GREB1: variants seen among roughly 807,000 people sequenced by gnomAD.
The protein encoded by GREB1 is growth regulating estrogen receptor binding 1.
A neutral mutation model predicts 200.7 loss-of-function variants in GREB1; 106 were observed. The observed-to-expected ratio is 0.53, with a 90% CI of 0.45 to 0.62. GREB1 has a LOEUF of 0.62. Among genes scored for constraint, GREB1 ranks in the 20% least tolerant of loss-of-function variants. The pLI is 0.00. For synonymous variants in GREB1, 1,132 were observed against 1,092.4 expected (o/e 1.04, Z -0.72); for missense variants, 2,243 against 2,556.8 (o/e 0.88, Z 2.65).
At chr2:11,539,795 A>ATTTTTTTTTTTTTTTTTT (rs66629142) in intron 1 of GREB1, 1 of 121,280 alleles carries the variant, frequency 8.2e-6, no homozygotes. Flanking sequence ...CTACTGCTGA[A>ATTTTTTTTTTTTTTTTTT]TTTTTTTTTT....
At chr2:11,535,558 C>T (rs1674253835) in intron 1 of GREB1, among the ~76,000 whole-genome samples, 1 of 152,002 alleles carries the variant, frequency 6.6e-6, no homozygotes, top group South Asian at 2.1e-4. Context: ...GTTTCCAGTG[C>T]CTGGCACACA....
Position 11,543,793 on chromosome 2 carries a change from C to T in GREB1, c.-162+9539C>T, listed in dbSNP as rs183552582. ...ACCCCAGAGCGCTGTGTTCTCAGCA[C>T]CTCGTGGGCCTCGGTGTCCATGTTC... On this transcript the variant is annotated intron_variant, in intron 1 of 32. Coordinates refer to ENST00000381486, the MANE Select transcript of GREB1 (RefSeq NM_014668.4). Among the ~76,000 whole-genome samples, 535 of 152,260 alleles carry T rather than the reference C, an allele frequency of 3.5e-3. 8 individuals carry two copies. The highest frequency in any genetic ancestry group is 2.8e-3 in the Non-Finnish European group (193 of 68,026).
In GREB1 at chr2:11,633,181, A is replaced by G. The variant is rs755239065; in HGVS notation, c.4991+118A>G. ...AAGACCGGAGGGCCTCTCATAGTAG[A>G]AGGGGTGGTTGTGGTTGTGGTTCCC... On this transcript the variant is annotated intron_variant, in intron 28 of 32. Transcript: ENST00000381486. This position sits in a 1 kb window ranked among gnomAD's most constrained non-coding sequence, Gnocchi z 4.1. 1.0e-6 allele frequency: 1 copy of G among 981,486 alleles called. No homozygotes were observed. The allele number at this position is 981,486 out of a possible 1,614,324, so 60.8% of individuals were successfully genotyped here.
chr2:11,614,977 G>C, intron 19 of GREB1, 114 bp from the exon 20 acceptor site: 1 of 774,232 alleles, frequency 1.3e-6, no homozygotes, highest in Non-Finnish European at 2.3e-6. Context: ...ACGAGTCCTT[G>C]GGTCCTCACC....
At chr2:11,503,267 C>A (rs139146927) in intron 1 of GREB1, among the ~76,000 whole-genome samples, 2 of 152,110 alleles carry the variant, frequency 1.3e-5, no homozygotes, top group East Asian at 1.9e-4. Context: ...GATTTTCACA[C>A]GTTTATTACA....
intron 1 of GREB1, chr2:11,540,033 A>G (rs902819894): frequency 1.3e-5 from 2 of 152,332 alleles, no homozygotes; most frequent in Non-Finnish European, 2.9e-5. Flanking sequence ...GCCCCTGCAC[A>G]CTTTCCACCT....
At chr2:11,573,808 G>A (rs985074447) in intron 4 of GREB1, among the ~76,000 whole-genome samples, 3 of 152,206 alleles carry the variant, frequency 2.0e-5, no homozygotes, top group Non-Finnish European at 2.9e-5. Flanking sequence ...CCATCCCAGC[G>A]GAGGAGATGG....
chr2:11,501,895 G>T (rs1391390868), intron 1 of GREB1, among the ~76,000 whole-genome samples: 15 of 45,554 alleles, frequency 3.3e-4, no homozygotes, highest in East Asian at 6.4e-4. Flanking sequence ...TGGATTTCCT[G>T]TTTTTTTTTG....
chr2:11,599,161 C>A (rs772623826), intron 15 of GREB1, among the ~76,000 whole-genome samples: 1 of 152,020 alleles, frequency 6.6e-6, no homozygotes, highest in East Asian at 1.9e-4. Flanking sequence ...GCTGAGACCC[C>A]GAATCACAGC....
intron 1 of GREB1, among the ~76,000 whole-genome samples, chr2:11,526,854 G>A (rs1459198079): frequency 3.9e-5 from 6 of 151,960 alleles, no homozygotes; most frequent in South Asian, 2.1e-4. Context: ...CACCGCTCCC[G>A]GCTTCAATCC....
chr2:11,504,619 G>C (rs527978154), intron 1 of GREB1, among the ~76,000 whole-genome samples: 1 of 152,266 alleles, frequency 6.6e-6, no homozygotes, highest in South Asian at 2.1e-4. Context: ...TTGCATATTT[G>C]TGTGTGGGTT....
chr2:11,609,143 A>G (rs937539152), intron 17 of GREB1, among the ~76,000 whole-genome samples: 1 of 152,138 alleles, frequency 6.6e-6, no homozygotes, highest in Non-Finnish European at 1.5e-5. Flanking sequence ...GATAAACCTG[A>G]TCCCGTTGCT....
intron 1 of GREB1, among the ~76,000 whole-genome samples, chr2:11,501,906 T>TTG: frequency 1.6e-4 from 6 of 36,772 alleles, no homozygotes; most frequent in African/African-American, 6.5e-4. Flanking sequence ...TTTTTTTTTG[T>TTG]TTTTTTTTTT....
chr2:11,552,812 C>A (rs556882650), intron 1 of GREB1, among the ~76,000 whole-genome samples: 19 of 151,976 alleles, frequency 1.3e-4, no homozygotes, highest in South Asian at 1.0e-3. Flanking sequence ...GAGATCGAGA[C>A]CATCCTGGCT....
In GREB1 at chr2:11,618,696, G is replaced by T. The variant is rs756622508; in HGVS notation, c.3821G>T (p.Ser1274Ile). ...TACGACATGGTTGTGTCCACTGACA[G>T]CAGTGGCCTGCCCAAGGCCGCCTCC... The part of the protein sequence containing the change: ...LVYDMVVSTD[S>I]SGLPKAASLL... The change falls in exon 22 of 33, where the codon AGC becomes ATC. Residue 1274 changes from serine (S) to isoleucine (I), a missense_variant. Ser to Ile is a moderately radical substitution (Grantham distance 142). Coordinates refer to ENST00000381486, the MANE Select transcript of GREB1 (RefSeq NM_014668.4). 38 of 1,613,572 alleles carry T rather than the reference G, an allele frequency of 2.4e-5. No individual in the cohort carries two copies. Among genetic ancestry groups the T allele is most frequent in the Non-Finnish European group, 3.2e-5 (38 of 1,179,900 alleles).
intron 2 of GREB1, among the ~76,000 whole-genome samples, chr2:11,559,227 T>G (rs1676738895): frequency 6.6e-6 from 1 of 152,154 alleles, no homozygotes; most frequent in South Asian, 2.1e-4. Context: ...CCAATCCAGT[T>G]GGTTTTGTCT....
intron 17 of GREB1, among the ~76,000 whole-genome samples, chr2:11,607,476 A>ATATG (rs1253406234): frequency 6.8e-6 from 1 of 147,960 alleles, no homozygotes; most frequent in Non-Finnish European, 1.5e-5. Context: ...ATATATACAC[A>ATATG]CACATACATA....
At chr2:11,531,866 C>T (rs948346946), upstream of GREB1, among the ~76,000 whole-genome samples, 5 of 152,162 alleles carry the variant, frequency 3.3e-5, no homozygotes, top group African/African-American at 4.8e-5. Context: ...CACCGCACCT[C>T]GCCTAATTCT....
Position 11,610,856 on chromosome 2 carries a change from C to T in GREB1, c.2835C>T (p.Gly945=). 1 of 1,613,358 alleles carries T rather than the reference C, an allele frequency of 6.2e-7. No homozygotes were observed. Among genetic ancestry groups the T allele is most frequent in the African/African-American group, 1.3e-5 (1 of 75,068 alleles). ...LLNSPKQCPC[G]HGLMVLLRVP... The stretch of plus-strand genomic sequence containing the variant: ...ACTCCCCGAAGCAGTGCCCCTGCGG[C>T]CACGGGCTCATGGTCCTGCTGCGGG... Residue 945 remains glycine (G), a synonymous_variant, in exon 18 of 33, where the codon GGC becomes GGT. Transcript: ENST00000381486.
Sources: allele counts gnomAD v4.1 joint callset (sites outside exome capture counted in the v4.1 genomes callset), GRCh38; gene constraint gnomAD v4.1.1; non-coding constraint Gnocchi (gnomAD v3.1); transcripts MANE v1.5; gene names NCBI Gene and HGNC (gene_info 2026-07-23, HGNC 2026-07-21).